XPR1: variants seen among roughly 807,000 people sequenced by gnomAD.
The protein encoded by XPR1 is xenotropic and polytropic retrovirus receptor 1.
In XPR1, 28 loss-of-function variants were observed where a neutral mutation model predicts 87.5. The observed-to-expected ratio is 0.32, with a 90% CI of 0.24 to 0.44. XPR1 has a LOEUF of 0.44. XPR1 is among the 20% of genes least tolerant of loss of function. The pLI, the probability that XPR1 is intolerant of heterozygous loss-of-function variation, is 1.00. For synonymous variants in XPR1, 300 were observed against 306.1 expected (o/e 0.98, Z 0.21); for missense variants, 559 against 862.3 (o/e 0.65, Z 4.41).
intron 1 of XPR1, among the ~76,000 whole-genome samples, chr1:180,646,005 A>G (rs889724833): frequency 7.9e-5 from 12 of 152,220 alleles, no homozygotes; most frequent in African/African-American, 2.9e-4. Flanking sequence ...AAGTGCACAT[A>G]ATATATCCTT....
At chr1:180,849,119 A>G (rs1465077753) in intron 11 of XPR1, among the ~76,000 whole-genome samples, 1 of 152,210 alleles carries the variant, frequency 6.6e-6, no homozygotes, top group African/African-American at 2.4e-5. Context: ...AAAATTTTTA[A>G]GTTGTTGGCC....
intron 2 of XPR1, among the ~76,000 whole-genome samples, chr1:180,695,396 A>G (rs1230202184): frequency 7.1e-6 from 1 of 140,120 alleles, no homozygotes; most frequent in Non-Finnish European, 1.5e-5. Context: ...TTTTAGTTTA[A>G]TGTAGTCCCA....
intron 1 of XPR1, among the ~76,000 whole-genome samples, chr1:180,673,836 AC>A (rs1415090037): frequency 6.6e-6 from 1 of 152,176 alleles, no homozygotes; most frequent in Non-Finnish European, 1.5e-5. Flanking sequence ...CATTTAATAA[AC>A]CAGTAATACC....
intron 12 of XPR1, 111 bp downstream of exon 12, chr1:180,863,985 A>T: frequency 1.2e-6 from 1 of 848,512 alleles, no homozygotes; most frequent in Admixed American, 4.0e-5. Context: ...TATAATTAGA[A>T]AAATAATTAA....
At chr1:180,879,556 T>C (rs1015332956) in intron 13 of XPR1, among the ~76,000 whole-genome samples, 12 of 149,388 alleles carry the variant, frequency 8.0e-5, no homozygotes, top group Non-Finnish European at 1.8e-4. Context: ...TCCTCCAGGA[T>C]TTTTACATGA....
chr1:180,722,904 C>G (rs1163855139), intron 2 of XPR1, among the ~76,000 whole-genome samples: 2 of 152,100 alleles, frequency 1.3e-5, no homozygotes, highest in African/African-American at 4.8e-5. Context: ...CATTTTATCA[C>G]TTTTTGTAAT....
rs111485833 is a variant in XPR1 at position 180,743,224 on chromosome 1, T to TTAG, written c.122-44529_122-44528insTAG. ...TTCTGTTCATTTTCCCTTTTTTTTT[T>TTAG]GGGGGGGGAGTATTTTAATATTTTT... On this transcript the variant is annotated intron_variant, in intron 2 of 14. Coordinates refer to ENST00000367590, the MANE Select transcript of XPR1 (RefSeq NM_004736.4). Among the ~76,000 whole-genome samples, 25 of 149,388 alleles carry TTAG rather than the reference T, an allele frequency of 1.7e-4. 1 individual carries two copies. Among genetic ancestry groups the TTAG allele is most frequent in the African/African-American group, 5.4e-4 (22 of 40,522 alleles).
intron 2 of XPR1, among the ~76,000 whole-genome samples, chr1:180,742,048 C>T (rs935105190): frequency 1.3e-5 from 2 of 151,344 alleles, no homozygotes; most frequent in African/African-American, 4.9e-5. Flanking sequence ...GTCAGTCTTG[C>T]TTGAGTTTTT....
chr1:180,769,832 A>G (rs1017426615), intron 2 of XPR1, among the ~76,000 whole-genome samples: 2 of 152,036 alleles, frequency 1.3e-5, no homozygotes, highest in Non-Finnish European at 1.5e-5. Context: ...CTCTACTTTT[A>G]ATTTTTTGAG....
rs189491370 is a variant in XPR1, at chr1:180,709,056, C to T, written c.121+26645C>T. ...CCTCCTGAGTAGCTGGGATTACAGG[C>T]GCCCACCACCACACCCGGCTGATTT... On this transcript the variant is annotated intron_variant, in intron 2 of 14. Coordinates refer to ENST00000367590, the MANE Select transcript of XPR1 (RefSeq NM_004736.4). Among the ~76,000 whole-genome samples the T allele has an allele frequency of 1.7e-3, 252 of 152,060 alleles. 1 individual carries two copies. The highest frequency in any genetic ancestry group is 5.7e-3 in the African/African-American group (237 of 41,478).
intron 1 of XPR1, among the ~76,000 whole-genome samples, chr1:180,636,753 T>C (rs1654789185): frequency 6.6e-6 from 1 of 151,956 alleles, no homozygotes; most frequent in Non-Finnish European, 1.5e-5. Context: ...GAGAAGACAG[T>C]ATTAGAAAAG....
At chr1:180,680,118 A>AAAATGCT (rs1478775294) in intron 1 of XPR1, among the ~76,000 whole-genome samples, 2 of 152,178 alleles carry the variant, frequency 1.3e-5, no homozygotes, top group Non-Finnish European at 1.5e-5. Flanking sequence ...ACAAATAAAG[A>AAAATGCT]AAATGCTTAA....
chr1:180,836,368 AG>A (rs1192167143), intron 10 of XPR1, among the ~76,000 whole-genome samples, 153 bp from the exon 11 acceptor site: 1 of 150,758 alleles, frequency 6.6e-6, no homozygotes. Context: ...AAAAAAAAAA[AG>A]AAAATCTTGA....
chr1:180,846,052 G>A (rs1170604581), intron 11 of XPR1, among the ~76,000 whole-genome samples: 1 of 152,128 alleles, frequency 6.6e-6, no homozygotes, highest in Non-Finnish European at 1.5e-5. Context: ...CTGAGGTTGG[G>A]AGTTCAAGAC....
intron 13 of XPR1, among the ~76,000 whole-genome samples, chr1:180,874,577 C>T (rs1259522766): frequency 2.6e-5 from 4 of 152,010 alleles, no homozygotes; most frequent in South Asian, 4.2e-4. Context: ...GTAATCCCAG[C>T]TACTCGGGAG....
intron 12 of XPR1, among the ~76,000 whole-genome samples, chr1:180,864,719 C>T (rs945225503): frequency 1.3e-5 from 2 of 151,778 alleles, no homozygotes; most frequent in South Asian, 4.2e-4. Context: ...ATTAAAAAGT[C>T]AAAAAATCAA....
intron 2 of XPR1, among the ~76,000 whole-genome samples, chr1:180,756,550 A>T (rs190795062): frequency 2.1e-4 from 32 of 152,250 alleles, no homozygotes; most frequent in African/African-American, 7.0e-4. Flanking sequence ...TGTATTGGCA[A>T]ATATTTTCTC....
At chr1:180,659,341 GTCCTTCCTTCCGTCCT>G (rs1655669683) in intron 1 of XPR1, among the ~76,000 whole-genome samples, 1 of 102,184 alleles carries the variant, frequency 9.8e-6, no homozygotes, top group African/African-American at 3.9e-5. Flanking sequence ...CCTTCCTTCC[GTCCTTCCTTCCGTCCT>G]TCCGTCCTTC....
chr1:180,819,753 C>T (rs982243348), intron 7 of XPR1, among the ~76,000 whole-genome samples: 1 of 152,144 alleles, frequency 6.6e-6, no homozygotes, highest in Admixed American at 6.6e-5. Context: ...CGCGGTGGCT[C>T]ATGCCTGTAA....
Sources: allele counts gnomAD v4.1 joint callset (sites outside exome capture counted in the v4.1 genomes callset), GRCh38; gene constraint gnomAD v4.1.1; transcripts MANE v1.5; gene names NCBI Gene and HGNC (gene_info 2026-07-23, HGNC 2026-07-21).